The following ECM2 variants were observed in gnomAD, a reference collection of about 807,000 sequenced individuals.
ECM2 encodes extracellular matrix protein 2, female organ and adipocyte specific.
ECM2 carries 57 observed loss-of-function variants against 67.5 expected under a neutral mutation model. The observed-to-expected ratio is 0.84, with a 90% confidence interval of 0.68 to 1.05. The LOEUF (loss-of-function observed/expected upper bound fraction) is 1.05. ECM2 is among the 50% of genes least tolerant of loss of function. The pLI is 0.00. For missense variants in ECM2, 741 were observed against 822.8 expected (o/e 0.90, Z 1.22); for synonymous variants, 258 against 294.5 (o/e 0.88, Z 1.27).
chr9:92,497,704 A>AC (rs1055610908), intron 9 of ECM2, among the ~76,000 whole-genome samples: 1 of 150,712 alleles, frequency 6.6e-6, no homozygotes, highest in Non-Finnish European at 1.5e-5. Context: ...GGTTTTTTTG[A>AC]CCCCTCCAAA....
chr9:92,540,946 A>C (rs1849303948), upstream of ECM2, among the ~76,000 whole-genome samples: 1 of 151,902 alleles, frequency 6.6e-6, no homozygotes, highest in Admixed American at 6.6e-5. Flanking sequence ...GAAAGCCAAA[A>C]GTTGGGGATT....
chr9:92,493,958 T>C, downstream of ECM2: 1 of 788,354 alleles, frequency 1.3e-6, no homozygotes, highest in East Asian at 2.7e-5. Flanking sequence ...ATCCAGGCCG[T>C]TGAGGGTGGC....
rs370792237 is a variant in ECM2, at chr9:92,509,877, T to C, written c.1306+22A>G. 41 of 1,592,374 alleles carry C rather than the reference T, an allele frequency of 2.6e-5. No individual in the cohort carries two copies. In the African/African-American group the frequency reaches 4.1e-4, roughly 16 times the overall value. ...GGAAAGATTATAAGGAAGCATATCA[T>C]TGAAAAACAAATATTAAATACCTGA... On this transcript the variant is annotated intron_variant, in intron 6 of 9. Transcript: ENST00000344604.
At chr9:92,529,317 G>A (rs964320989) in intron 1 of ECM2, among the ~76,000 whole-genome samples, 2 of 152,226 alleles carry the variant, frequency 1.3e-5, no homozygotes, top group Non-Finnish European at 2.9e-5. Context: ...CAGTGCTGGT[G>A]AGTGTGTGGA....
chr9:92,553,522 T>C, the ECM2 span, among the ~76,000 whole-genome samples: 1 of 152,212 alleles, frequency 6.6e-6, no homozygotes, highest in Non-Finnish European at 1.5e-5. Context: ...ACAATATTGA[T>C]TCTACCCATC....
intron 4 of ECM2, among the ~76,000 whole-genome samples, chr9:92,514,309 C>G (rs1847547327): frequency 6.8e-6 from 1 of 147,230 alleles, no homozygotes; most frequent in African/African-American, 2.5e-5. Flanking sequence ...GAGTCTCGCT[C>G]AAGTGCCCAG....
chr9:92,532,043 T>TTTTTTTTTTTA (rs1303915728), intron 1 of ECM2, among the ~76,000 whole-genome samples: 1 of 145,052 alleles, frequency 6.9e-6, no homozygotes, highest in African/African-American at 2.6e-5. Context: ...TATTTTTTTT[T>TTTTTTTTTTTA]TGAGATGAGG....
chr9:92,542,803 C>T, the ECM2 span, among the ~76,000 whole-genome samples: 6 of 152,130 alleles, frequency 3.9e-5, no homozygotes, highest in South Asian at 2.1e-4. Flanking sequence ...TGAGCCACTG[C>T]GCCCGGCCCC....
In ECM2 at chr9:92,517,739, G is replaced by C. The variant is rs1384544815; in HGVS notation, c.429C>G (p.Cys143Trp). The C allele has an allele frequency of 2.5e-6, 4 of 1,614,170 alleles. No individual in the cohort carries two copies. Among genetic ancestry groups the C allele is most frequent in the Non-Finnish European group, 3.4e-6 (4 of 1,180,038 alleles). Residue 143 changes from cysteine to tryptophan, a missense_variant, in exon 3 of 10, where the codon TGC (cysteine) becomes TGG (tryptophan). Coordinates refer to ENST00000344604, the MANE Select transcript of ECM2 (RefSeq NM_001393.4). ...CCCCTTCAGGTATAACTGTTTGGGG[G>C]CACCTCTGGGGATGGCACATGGTTT... ...CDETMCHPQR[C>W]PQTVIPEGEC...
chr9:92,555,581 G>A, the ECM2 span, among the ~76,000 whole-genome samples: 1 of 151,934 alleles, frequency 6.6e-6, no homozygotes, highest in African/African-American at 2.4e-5. Context: ...GGTCTGTTCA[G>A]GTTATCTAAT....
chr9:92,519,689 C>CTATA lies in ECM2; in HGVS notation c.293-1815_293-1814insTATA, dbSNP rs1177469067. Among the ~76,000 whole-genome samples, 352 of 152,206 alleles carry CTATA rather than the reference C, an allele frequency of 2.3e-3. 1 individual carries two copies. The highest frequency in any genetic ancestry group is 8.1e-3 in the African/African-American group (337 of 41,510). On this transcript the variant is annotated intron_variant, in intron 2 of 9. Transcript: ENST00000344604. ...GACCTAATATATCTTATATTTAGAC[C>CTATA]TTTGCTGTAAATATAAGAGCTAAGA...
At chr9:92,530,151 A>G (rs762859674) in intron 1 of ECM2, among the ~76,000 whole-genome samples, 17 of 152,162 alleles carry the variant, frequency 1.1e-4, no homozygotes, top group Non-Finnish European at 2.1e-4. Flanking sequence ...GGTGTCCTTG[A>G]GGGATCCTGG....
chr9:92,554,019 A>G, the ECM2 span, among the ~76,000 whole-genome samples: 1 of 152,018 alleles, frequency 6.6e-6, no homozygotes, highest in African/African-American at 2.4e-5. Context: ...ACTTTTCCCC[A>G]TTCAGTATTA....
chr9:92,530,291 G>T (rs1023167999), intron 1 of ECM2, among the ~76,000 whole-genome samples: 10 of 152,086 alleles, frequency 6.6e-5, no homozygotes, highest in Non-Finnish European at 1.3e-4. Context: ...GACATTGGGT[G>T]ATAATGATAT....
chr9:92,548,096 T>C, the ECM2 span, among the ~76,000 whole-genome samples: 37,900 of 152,128 alleles, frequency 0.25, 6,642 homozygotes, highest in African/African-American at 0.49. Flanking sequence ...AATTAATATA[T>C]AAAAATAAAT....
In ECM2 at chr9:92,514,854, CTCCTCCTCA is replaced by C. The variant is rs752754174; in HGVS notation, c.822_830del (p.Asp274_Glu276del). On this transcript the variant is annotated inframe_deletion, in exon 4 of 10. Coordinates refer to ENST00000344604, the MANE Select transcript of ECM2 (RefSeq NM_001393.4). ...CATCCTCCTCACCCTCCTCACCCTC[CTCCTCCTCA>C]TCCTCCTCCTCCTCCCTTCCTTGGC... The C allele has an allele frequency of 6.2e-7, 1 of 1,612,534 alleles. No homozygotes were observed. Among genetic ancestry groups the C allele is most frequent in the Non-Finnish European group, 8.5e-7 (1 of 1,179,200 alleles).
rs1847234264 is a variant in ECM2, at chr9:92,509,908, T to C, written c.1297A>G (p.Ser433Gly). The C allele has an allele frequency of 6.2e-7, 1 of 1,603,534 alleles. No individual in the cohort carries two copies. Residue 433 changes from serine to glycine, a missense_variant, in exon 6 of 10, where the codon AGT (serine) becomes GGT (glycine). Transcript: ENST00000344604. Reference protein sequence around the residue: ...ENNLQAIDEESLSDLNQLVTL... With the variant: ...ENNLQAIDEEGLSDLNQLVTL... ...AACAAATATTAAATACCTGATAAAC[T>C]TTCTTCATCGATAGCCTGAAGATTG...
chr9:92,552,159 CATAT>C, the ECM2 span, among the ~76,000 whole-genome samples: 1 of 136,202 alleles, frequency 7.3e-6, no homozygotes, highest in Non-Finnish European at 1.5e-5. Context: ...ATAGATCTAT[CATAT>C]ATATGTGATA....
chr9:92,501,741 C>T lies in ECM2; in HGVS notation c.1605-688G>A, dbSNP rs1211873458. Among the ~76,000 whole-genome samples the T allele has an allele frequency of 2.6e-5, 4 of 152,306 alleles. No homozygotes were observed. In the East Asian group the frequency reaches 5.8e-4, roughly 22 times the overall value. The stretch of plus-strand genomic sequence containing the variant: ...ATGCTGCTGAGCCCAATTGGCCTCT[C>T]CATCCTGCTTCTGAATGACACGTGT... On this transcript the variant is annotated intron_variant, in intron 8 of 9. Coordinates refer to ENST00000344604, the MANE Select transcript of ECM2 (RefSeq NM_001393.4).
Sources: gnomAD v4.1 joint callset for allele counts (sites outside exome capture counted in the v4.1 genomes callset) on GRCh38, gnomAD v4.1.1 for gene constraint, MANE v1.5 for transcripts, NCBI Gene and HGNC (gene_info 2026-07-23, HGNC 2026-07-21) for gene names.